CCNP: variants seen among roughly 807,000 people sequenced by gnomAD.
CCNP encodes the protein cyclin-P.
Under a neutral mutation model 19.6 loss-of-function variants are expected in CCNP, and 18 were observed. The observed-to-expected ratio is 0.92, with a 90% CI of 0.64 to 1.36. The LOEUF (loss-of-function observed/expected upper bound fraction) is 1.36, where lower values mean the gene tolerates loss of function less well. Ranked by LOEUF, CCNP falls within the 40% of genes most tolerant of loss-of-function variation. The pLI, the probability that CCNP is intolerant of heterozygous loss-of-function variation, is 0.00. For synonymous variants in CCNP, 228 were observed against 194.9 expected (o/e 1.17, Z -1.41); for missense variants, 440 against 424.4 (o/e 1.04, Z -0.32).
Position 40,226,599 on chromosome 19 carries a change from C to CGAGCCGGGAGCCGG in CCNP, c.29_42dup (p.Gly15ProfsTer60). 6.3e-7 allele frequency: 1 copy of CGAGCCGGGAGCCGG among 1,577,510 alleles called. No homozygotes were observed. Among genetic ancestry groups the CGAGCCGGGAGCCGG allele is most frequent in the Non-Finnish European group, 8.6e-7 (1 of 1,163,610 alleles). ...GGGGCCCAGCGCCTAACGATAGGCCCGAGCCGGGAGCCGGACCCCTGGTCC... is the reference window on the plus strand; with the variant it reads ...GGGGCCCAGCGCCTAACGATAGGCCCGAGCCGGGAGCCGGGAGCCGGGAGCCGGACCCCTGGTCC... On this transcript the variant is annotated frameshift_variant, in exon 1 of 5. Transcript: ENST00000430325. LOFTEE classifies it high-confidence loss of function.
rs1973473941 is a variant in CCNP at position 40,223,105 on chromosome 19, C to T, written c.871G>A (p.Asp291Asn). Residue 291 changes from aspartate to asparagine, a missense_variant, in exon 5 of 5, where the codon GAC becomes AAC. Physicochemically the swap from Asp to Asn is conservative, Grantham distance 23. Transcript: ENST00000430325. ...GSVWGHRSFR[D>N]LPSWSFLRSR... is the part of the protein sequence containing the mutation. ...CGTAAAAATGACCAGGAAGGTAAGT[C>T]CCTGAAGCTGCGGTGACCCCATACA... The T allele has an allele frequency of 1.3e-6, 2 of 1,551,318 alleles. No homozygotes were observed. The highest frequency in any genetic ancestry group is 8.7e-7 in the Non-Finnish European group (1 of 1,146,756).
chr19:40,223,593 G>C, intron 3 of CCNP, 47 bp from the exon 4 acceptor site: 1 of 1,601,810 alleles, frequency 6.2e-7, no homozygotes, highest in South Asian at 1.1e-5. Context: ...TTGGATCCGG[G>C]CTCTTTACTC....
intron 1 of CCNP, among the ~76,000 whole-genome samples, chr19:40,225,741 C>T (rs1973530292): frequency 6.6e-6 from 1 of 152,258 alleles, no homozygotes; most frequent in Admixed American, 6.5e-5. Context: ...CGATCACTAT[C>T]TCTTTGTCTC....
rs770498200 is a variant in CCNP, at chr19:40,223,592, G to T, written c.514-46C>A. On this transcript the variant is annotated intron_variant, in intron 3 of 4. Transcript: ENST00000430325. ...GGGAGGTGAAGGAGTCTTGGATCCGGGCTCTTTACTCCCTGCCCTGGAAAG... is the reference window on the plus strand; with the variant it reads ...GGGAGGTGAAGGAGTCTTGGATCCGTGCTCTTTACTCCCTGCCCTGGAAAG... 12 of 1,601,888 alleles carry T rather than the reference G, an allele frequency of 7.5e-6. No homozygotes were observed. The Admixed American group carries it at 1.2e-4, about 16-fold the overall frequency.
intron 3 of CCNP, 122 bp from the exon 4 acceptor site, chr19:40,223,668 C>T: frequency 7.1e-7 from 1 of 1,416,500 alleles, no homozygotes; most frequent in South Asian, 1.2e-5. Context: ...GGGCCATTGA[C>T]TTGTGTCTGG....
chr19:40,223,514 G>A lies in CCNP; in HGVS notation c.546C>T (p.Ser182=). ...CGCGCAGCAGCTCCGCCCGTGAGAAGGAGTCCGCGCTCAGGAGGCAGAGGA... is the reference window on the plus strand; with the variant it reads ...CGCGCAGCAGCTCCGCCCGTGAGAAAGAGTCCGCGCTCAGGAGGCAGAGGA... ...PAFLCLLSAD[S]FSRAELLRAE... Residue 182 remains serine, a synonymous_variant, in exon 4 of 5, where the codon TCC becomes TCT. Transcript: ENST00000430325. 1.9e-6 allele frequency: 3 copies of A among 1,607,070 alleles called. No individual in the cohort carries two copies. Among genetic ancestry groups the A allele is most frequent in the Non-Finnish European group, 2.6e-6 (3 of 1,175,556 alleles).
Position 40,223,268 on chromosome 19 carries a change from A to G in CCNP, c.708T>C (p.Ser236=). 1 of 1,540,896 alleles carries G rather than the reference A, an allele frequency of 6.5e-7. No homozygotes were observed. Among genetic ancestry groups the G allele is most frequent in the South Asian group, 1.2e-5 (1 of 83,516 alleles). The change falls in exon 5 of 5, where the codon TCT becomes TCC. Residue 236 remains serine (S), a synonymous_variant. Transcript: ENST00000430325. ...ATCCCGCCGCCTCGGCCTCCAGCAA[A>G]GACAGCTCCAGGAAGTAGGTGGCAA... is the stretch of plus-strand genomic sequence containing the variant. The part of the protein sequence containing the change: ...MLLATYFLEL[S]LLEAEAAGWE...
In CCNP at chr19:40,223,393, G is replaced by A; in HGVS notation, c.667C>T (p.Pro223Ser). 6.4e-7 allele frequency: 1 copy of A among 1,551,992 alleles called. No homozygotes were observed. The highest frequency in any genetic ancestry group is 8.7e-7 in the Non-Finnish European group (1 of 1,150,002). Residue 223 changes from proline to serine, a missense_variant, in exon 4 of 5, where the codon CCC becomes TCC. By Grantham distance (74) the Pro-to-Ser change is moderately conservative. Coordinates refer to ENST00000430325, the MANE Select transcript of CCNP (RefSeq NM_024877.4). ...GCGTATTCACAAGGGCTCACCTGGG[G>A]GCTGCTCCCTGCCAGCGCGGCCAGC... The part of the protein sequence containing the change: ...GLLAALAGSS[P>S]QVMLLATYFL...
At position 40,224,536 on chromosome 19, in the gene CCNP, C is replaced by T; in HGVS notation, c.465G>A (p.Val155=). Residue 155 remains valine, a synonymous_variant, in exon 3 of 5, where the codon GTG becomes GTA. Coordinates refer to ENST00000430325, the MANE Select transcript of CCNP (RefSeq NM_024877.4). ...VRLHRLQLLG[V]ACLFVACKME... ...TTTTGCACGCCACAAACAGGCAAGC[C>T]ACGCCCAGCAGCTGCAGGCGATGTA... 3.1e-6 allele frequency: 5 copies of T among 1,614,236 alleles called. No individual in the cohort carries two copies. Among genetic ancestry groups the T allele is most frequent in the Non-Finnish European group, 4.2e-6 (5 of 1,180,044 alleles).
At chr19:40,223,350 C>T in intron 4 of CCNP, 38 bp downstream of exon 4, 1 of 1,488,178 alleles carries the variant, frequency 6.7e-7, no homozygotes, top group Non-Finnish European at 9.0e-7. Flanking sequence ...CACTTCGCGC[C>T]GGCCACGCCC....
chr19:40,224,978 T>G, intron 1 of CCNP, 167 bp from the exon 2 acceptor site: 1 of 618,834 alleles, frequency 1.6e-6, no homozygotes, highest in Non-Finnish European at 2.8e-6. Flanking sequence ...CACCTAGAAC[T>G]CTGGGCTTCG....
chr19:40,222,408 C>A lies in CCNP; in HGVS notation c.*644G>T. 5.0e-6 allele frequency: 2 copies of A among 398,628 alleles called. No individual in the cohort carries two copies. Among genetic ancestry groups the A allele is most frequent in the Non-Finnish European group, 8.9e-6 (2 of 225,828 alleles). 24.7% of individuals were successfully genotyped at this position (398,628 alleles called of 1,614,324 possible). A position where few individuals can be genotyped will look rare whatever the true frequency, so the allele number is the denominator to read the frequency against. On this transcript the variant is annotated 3_prime_UTR_variant, in exon 5 of 5. Transcript: ENST00000430325. Reference sequence around the variant, plus strand: ...TACTTGAGGAAGACTGCGGCGCGACCCGGCGCGGGACCTCGGAGCGCAGCG... The same window carrying A: ...TACTTGAGGAAGACTGCGGCGCGACACGGCGCGGGACCTCGGAGCGCAGCG...
intron 1 of CCNP, chr19:40,225,031 T>G (rs1399573217): frequency 5.5e-6 from 3 of 547,908 alleles, no homozygotes; most frequent in African/African-American, 2.0e-5. Context: ...CGTGGACTCC[T>G]GGGCGTCTCC....
Position 40,226,448 on chromosome 19 carries a change from A to AGCGCGCTCAGCGCCTCCTCCC in CCNP, c.193_194insGGGAGGAGGCGCTGAGCGCGC (p.Gly64_Leu65insArgGluGluAlaLeuSerAla), listed in dbSNP as rs1568502634. ...CCCCAGCGCGCTCAGCGCCTCCTCCAGCCCCGGCGGCCTCGCCAGGCGTCT... is the reference window on the plus strand; with the variant it reads ...CCCCAGCGCGCTCAGCGCCTCCTCCAGCGCGCTCAGCGCCTCCTCCCGCCCCGGCGGCCTCGCCAGGCGTCT... On this transcript the variant is annotated inframe_insertion, in exon 1 of 5. Transcript: ENST00000430325. 2 of 1,608,824 alleles carry AGCGCGCTCAGCGCCTCCTCCC rather than the reference A, an allele frequency of 1.2e-6. No homozygotes were observed. Among genetic ancestry groups the AGCGCGCTCAGCGCCTCCTCCC allele is most frequent in the African/African-American group, 2.7e-5 (2 of 74,892 alleles).
Position 40,226,624 on chromosome 19 carries a change from C to T in CCNP, c.18G>A (p.Arg6=), listed in dbSNP as rs777833952. ...CGAGCCGGGAGCCGGACCCCTGGTCCCTGCCTCTCACCAGCATCCTCCAGG... is the reference window on the plus strand; with the variant it reads ...CGAGCCGGGAGCCGGACCCCTGGTCTCTGCCTCTCACCAGCATCCTCCAGG... MLVRG[R]DQGSGSRLGP... Residue 6 remains arginine (R), a synonymous_variant, in exon 1 of 5, where the codon AGG becomes AGA. Transcript: ENST00000430325. The T allele has an allele frequency of 2.5e-6, 4 of 1,579,508 alleles. No homozygotes were observed. The highest frequency in any genetic ancestry group is 3.7e-5 in the Admixed American group (2 of 54,570).
At chr19:40,223,671 G>T in intron 3 of CCNP, 125 bp from the exon 4 acceptor site, 1 of 1,372,500 alleles carries the variant, frequency 7.3e-7, no homozygotes, top group Non-Finnish European at 1.0e-6. Context: ...CCATTGACTT[G>T]TGTCTGGAAG....
At position 40,226,408 on chromosome 19, in the gene CCNP, G is replaced by T. The variant is rs746969441; in HGVS notation, c.234C>A (p.Arg78=). 1.3e-5 allele frequency: 21 copies of T among 1,607,806 alleles called. No homozygotes were observed. Among genetic ancestry groups the T allele is most frequent in the Non-Finnish European group, 1.6e-5 (19 of 1,179,736 alleles). Reference sequence around the variant, plus strand: ...CGGCGAAGATGTCCCCGGCGTACTCGCGTTCTCCCTGCAGCCCCAGCGCGC... The same window carrying T: ...CGGCGAAGATGTCCCCGGCGTACTCTCGTTCTCCCTGCAGCCCCAGCGCGC... The part of the protein sequence containing the change: ...ALSALGLQGE[R]EYAGDIFAEV... The change falls in exon 1 of 5, where the codon CGC becomes CGA. Residue 78 remains arginine (R), a synonymous_variant. Coordinates refer to ENST00000430325, the MANE Select transcript of CCNP (RefSeq NM_024877.4).
chr19:40,223,405 C>A lies in CCNP; in HGVS notation c.655G>T (p.Ala219Ser), dbSNP rs749467178. ...GGGCTCACCTGGGGGCTGCTCCCTG[C>A]CAGCGCGGCCAGCAGCCCGAGGCAC... ...LLCLGLLAAL[A>S]GSSPQVMLLA... is the part of the protein sequence containing the mutation. Residue 219 changes from alanine (A) to serine (S), a missense_variant, in exon 4 of 5, where the codon GCA (alanine) becomes TCA (serine). Transcript: ENST00000430325. 1 of 1,570,474 alleles carries A rather than the reference C, an allele frequency of 6.4e-7. No individual in the cohort carries two copies.
intron 4 of CCNP, 26 bp downstream of exon 4, chr19:40,223,362 C>G: frequency 6.7e-7 from 1 of 1,493,516 alleles, no homozygotes; most frequent in South Asian, 1.3e-5. Flanking sequence ...GCCACGCCCC[C>G]ACCCCGCGTA....
Sources: gnomAD v4.1 joint callset for allele counts (sites outside exome capture counted in the v4.1 genomes callset) on GRCh38, gnomAD v4.1.1 for gene constraint, MANE v1.5 for transcripts, NCBI Gene and HGNC (gene_info 2026-07-23, HGNC 2026-07-21) for gene names.